IDH3A: variants seen among roughly 807,000 people sequenced by gnomAD.
IDH3A encodes isocitrate dehydrogenase [NAD] subunit alpha, mitochondrial.
In IDH3A, 23 loss-of-function variants were observed where a neutral mutation model predicts 43.3. That is an observed-to-expected ratio of 0.53 (90% CI 0.38 to 0.75). IDH3A has a LOEUF of 0.75. Ranked by LOEUF, IDH3A falls within the 30% of genes least tolerant of loss-of-function variation. The probability of loss-of-function intolerance (pLI) is 0.00; values close to 1 mark genes in which losing one functional copy is unlikely to be tolerated. For missense variants in IDH3A, 329 were observed against 474.4 expected, an observed-to-expected ratio of 0.69 and a Z score of 2.85; for synonymous variants, 154 against 163.5, an observed-to-expected ratio of 0.94 and a Z score of 0.44.
intron 3 of IDH3A, 144 bp downstream of exon 3, chr15:78,157,775 T>C: frequency 1.7e-6 from 1 of 590,638 alleles, no homozygotes; most frequent in East Asian, 2.9e-5. Context: ...CGATTGTCAC[T>C]TTAACAGTGT....
At chr15:78,166,857 C>T (rs1479381473) in intron 10 of IDH3A, among the ~76,000 whole-genome samples, 3 of 152,004 alleles carry the variant, frequency 2.0e-5, no homozygotes, top group African/African-American at 7.3e-5. Flanking sequence ...GTCTCGAACT[C>T]CTGAGCTCAA....
In IDH3A at chr15:78,171,322, G is replaced by C; in HGVS notation, c.*2317G>C. On this transcript the variant is annotated 3_prime_UTR_variant, in exon 11 of 11. Coordinates refer to ENST00000299518, the MANE Select transcript of IDH3A (RefSeq NM_005530.3). ...AAATGTAGAGCCAGTGCTGTGCCCT[G>C]ACCTGGAGATCTAACAGACTTGGCA... 2.8e-6 allele frequency: 2 copies of C among 721,514 alleles called. No individual in the cohort carries two copies. Among genetic ancestry groups the C allele is most frequent in the Non-Finnish European group, 4.6e-6 (2 of 431,370 alleles). 44.7% of individuals were successfully genotyped at this position (721,514 alleles called of 1,614,324 possible). A position where few individuals can be genotyped will look rare whatever the true frequency, so the allele number is the denominator to read the frequency against.
In IDH3A at chr15:78,171,682, CTCCTGGTAT is replaced by C; in HGVS notation, c.*2680_*2688del. The stretch of plus-strand genomic sequence containing the variant: ...TAGCCAGCCTCCAAGACAGTGATCG[CTCCTGGTAT>C]TCATATGGCTTGTGTGTAGTCTCCT... On this transcript the variant is annotated 3_prime_UTR_variant, in exon 11 of 11. Coordinates refer to ENST00000299518, the MANE Select transcript of IDH3A (RefSeq NM_005530.3). The C allele has an allele frequency of 1.6e-6, 1 of 612,700 alleles. No individual in the cohort carries two copies. Among genetic ancestry groups the C allele is most frequent in the East Asian group, 2.9e-5 (1 of 34,242 alleles). The allele number at this position is 612,700 out of a possible 1,614,324, so 38.0% of individuals were successfully genotyped here.
At chr15:78,163,471 CTT>C (rs201061832) in intron 6 of IDH3A, 34 bp from the exon 7 acceptor site, 6 of 1,429,252 alleles carry the variant, frequency 4.2e-6, no homozygotes, top group Non-Finnish European at 5.9e-6. Context: ...TTCTGTAAGA[CTT>C]TTTTTTCAGC....
intron 1 of IDH3A, among the ~76,000 whole-genome samples, chr15:78,152,455 G>A (rs2074586284): frequency 6.6e-6 from 1 of 150,622 alleles, no homozygotes; most frequent in Non-Finnish European, 1.5e-5. Flanking sequence ...CTGCCTCCTG[G>A]GTTCAAGTGA....
intron 8 of IDH3A, among the ~76,000 whole-genome samples, chr15:78,164,732 G>T (rs937527123): frequency 6.6e-6 from 1 of 152,130 alleles, no homozygotes; most frequent in Non-Finnish European, 1.5e-5. Flanking sequence ...GTCCTAACTT[G>T]GCTGATGGGG....
Position 78,162,198 on chromosome 15 carries a change from ACTCTTTC to A in IDH3A, c.478-34_478-28del, listed in dbSNP as rs1299261236. ...CTGTCTCCCACTGCGTTGCTGTCAC[ACTCTTTC>A]CAGCAAGGTGGGACTTCCTGTCTTG... On this transcript the variant is annotated intron_variant, in intron 5 of 10. Transcript: ENST00000299518. The A allele has an allele frequency of 2.5e-6, 4 of 1,612,644 alleles. No individual in the cohort carries two copies. In the Admixed American group the frequency reaches 5.0e-5, roughly 20 times the overall value.
At chr15:78,166,023 T>C (rs2074737662) in intron 9 of IDH3A, 127 bp from the exon 10 acceptor site, 2 of 856,280 alleles carry the variant, frequency 2.3e-6, no homozygotes, top group African/African-American at 1.7e-5. Context: ...TCAGATGAAT[T>C]GCACGCAGTA....
chr15:78,162,306 T>C lies in IDH3A; in HGVS notation c.550T>C (p.Phe184Leu), dbSNP rs1259883219. ...GAGCAAGCGCATTGCTGAGTTTGCC[T>C]TTGAGTATGCCCGGAACAACCACCG... ...GASKRIAEFA[F>L]EYARNNHRSN... Residue 184 changes from phenylalanine (F) to leucine (L), a missense_variant, in exon 6 of 11, where the codon TTT becomes CTT. Physicochemically the swap from Phe to Leu is conservative, Grantham distance 22. Coordinates refer to ENST00000299518, the MANE Select transcript of IDH3A (RefSeq NM_005530.3). The C allele has an allele frequency of 1.1e-5, 18 of 1,614,076 alleles. No individual in the cohort carries two copies. Among genetic ancestry groups the C allele is most frequent in the Non-Finnish European group, 1.4e-5 (17 of 1,180,040 alleles).
chr15:78,161,655 G>A lies in IDH3A; in HGVS notation c.364G>A (p.Ala122Thr), dbSNP rs756333430. 4.3e-6 allele frequency: 7 copies of A among 1,614,124 alleles called. No homozygotes were observed. Among genetic ancestry groups the A allele is most frequent in the Non-Finnish European group, 5.9e-6 (7 of 1,179,984 alleles). ...GCTGCGCAAAACATTTGACCTTTAC[G>A]CGAATGTCCGACCATGTGTCTCTAT... ...LLLRKTFDLYANVRPCVSIEG... is the reference protein window; with the variant it reads ...LLLRKTFDLYTNVRPCVSIEG... Residue 122 changes from alanine to threonine, a missense_variant, in exon 5 of 11, where the codon GCG (alanine) becomes ACG (threonine). Transcript: ENST00000299518. The surrounding 1 kb of genome is among the most constrained non-coding windows in gnomAD (Gnocchi z 4.8).
At chr15:78,153,796 A>G (rs543642125) in intron 1 of IDH3A, among the ~76,000 whole-genome samples, 2 of 152,298 alleles carry the variant, frequency 1.3e-5, no homozygotes, top group South Asian at 4.1e-4. Context: ...AGGCAGGTGG[A>G]TCACCTGAGG....
At chr15:78,156,361 C>T (rs2074622971) in intron 2 of IDH3A, among the ~76,000 whole-genome samples, 1 of 151,754 alleles carries the variant, frequency 6.6e-6, no homozygotes, top group African/African-American at 2.4e-5. Context: ...GAGCCTTAGC[C>T]CTGGCTAAGA....
chr15:78,159,344 A>G (rs1342833842), intron 3 of IDH3A, among the ~76,000 whole-genome samples: 1 of 148,204 alleles, frequency 6.7e-6, no homozygotes, highest in Non-Finnish European at 1.5e-5. Context: ...CCACTCATCT[A>G]CTTTCTGTAT....
chr15:78,161,675 C>T lies in IDH3A; in HGVS notation c.384C>T (p.Val128=). ...FDLYANVRPC[V]SIEGYKTPYT... ...TTTACGCGAATGTCCGACCATGTGT[C>T]TCTATCGAAGGCTATAAAACCCCTT... is the stretch of plus-strand genomic sequence containing the variant. The change falls in exon 5 of 11, where the codon GTC becomes GTT. Residue 128 remains valine (V), a synonymous_variant. Coordinates refer to ENST00000299518, the MANE Select transcript of IDH3A (RefSeq NM_005530.3). This position sits in a 1 kb window ranked among gnomAD's most constrained non-coding sequence, Gnocchi z 4.8. 2 of 1,614,118 alleles carry T rather than the reference C, an allele frequency of 1.2e-6. No individual in the cohort carries two copies. The highest frequency in any genetic ancestry group is 1.7e-6 in the Non-Finnish European group (2 of 1,179,946).
rs1056630052 is a variant in IDH3A, at chr15:78,170,419, C to A, written c.*1414C>A. 6.6e-6 allele frequency: 1 copy of A among 151,906 alleles called. No individual in the cohort carries two copies. The highest frequency in any genetic ancestry group is 1.5e-5 in the Non-Finnish European group (1 of 67,998). 9.4% of individuals were successfully genotyped at this position (151,906 alleles called of 1,614,324 possible). ...GGTCACTTTTTAAGCTTGTAACCGCCCCCCCAGACTTATAATCTTAAATGT... is the reference window on the plus strand; with the variant it reads ...GGTCACTTTTTAAGCTTGTAACCGCACCCCCAGACTTATAATCTTAAATGT... On this transcript the variant is annotated 3_prime_UTR_variant, in exon 11 of 11. Transcript: ENST00000299518.
At chr15:78,166,098 G>A (rs2074738382) in intron 9 of IDH3A, 52 bp from the exon 10 acceptor site, 7 of 1,556,124 alleles carry the variant, frequency 4.5e-6, no homozygotes, top group Admixed American at 1.7e-5. Flanking sequence ...CCCAGAAGAG[G>A]ACTGTTAGTT....
chr15:78,164,015 C>T (rs1257610476), intron 8 of IDH3A, among the ~76,000 whole-genome samples: 2 of 152,106 alleles, frequency 1.3e-5, no homozygotes, highest in Non-Finnish European at 2.9e-5. Flanking sequence ...ATTATTAGGT[C>T]ACTCTTCCCA....
intron 9 of IDH3A, among the ~76,000 whole-genome samples, chr15:78,165,822 G>A (rs2074734737): frequency 6.6e-6 from 1 of 152,014 alleles, no homozygotes; most frequent in South Asian, 2.1e-4. Flanking sequence ...CCAAGTAGCT[G>A]GCACTGTAGT....
intron 6 of IDH3A, 186 bp from the exon 7 acceptor site, chr15:78,163,321 A>G (rs537352283): frequency 4.9e-4 from 268 of 547,224 alleles, no homozygotes; most frequent in African/African-American, 4.6e-3. Flanking sequence ...TTATACTTTC[A>G]GAAGGATCCT....
Sources: allele counts gnomAD v4.1 joint callset (sites outside exome capture counted in the v4.1 genomes callset), GRCh38; gene constraint gnomAD v4.1.1; non-coding constraint Gnocchi (gnomAD v3.1); transcripts MANE v1.5; gene names NCBI Gene and HGNC (gene_info 2026-07-23, HGNC 2026-07-21).